The following ATP1A4 variants were observed in gnomAD, a reference collection of about 807,000 sequenced individuals.
ATP1A4 encodes the protein sodium/potassium-transporting ATPase subunit alpha-4.
ATP1A4 carries 90 observed loss-of-function variants against 114.3 expected under a neutral mutation model. The ratio of observed to expected loss-of-function variants is 0.79; its 90% CI spans 0.66 to 0.94. ATP1A4 has a LOEUF of 0.94. Among genes scored for constraint, ATP1A4 ranks in the 40% least tolerant of loss-of-function variants. The pLI is 0.00. For synonymous variants in ATP1A4, 511 were observed against 494.1 expected (o/e 1.03, Z -0.45); for missense variants, 1,222 against 1,313.6 (o/e 0.93, Z 1.08).
intron 18 of ATP1A4, among the ~76,000 whole-genome samples, chr1:160,181,335 C>G (rs983928498): frequency 6.6e-6 from 1 of 152,046 alleles, no homozygotes; most frequent in African/African-American, 2.4e-5. Context: ...GTCAGATCGC[C>G]TGAGGTCAGG....
In ATP1A4 at chr1:160,171,776, C is replaced by T; in HGVS notation, c.1854+19C>T. The T allele has an allele frequency of 6.2e-7, 1 of 1,609,756 alleles. No homozygotes were observed. The highest frequency in any genetic ancestry group is 8.5e-7 in the Non-Finnish European group (1 of 1,177,518). On this transcript the variant is annotated intron_variant, in intron 12 of 21. Coordinates refer to ENST00000368081, the MANE Select transcript of ATP1A4 (RefSeq NM_144699.4). Reference sequence around the variant, plus strand: ...AATTAAGGTAAATACTTGCCCAGACCAGGAGCCCCTCACCTGTCACAAGTT... The same window carrying T: ...AATTAAGGTAAATACTTGCCCAGACTAGGAGCCCCTCACCTGTCACAAGTT...
intron 3 of ATP1A4, 98 bp from the exon 4 acceptor site, chr1:160,155,947 C>T (rs887090928): frequency 1.3e-6 from 1 of 744,410 alleles, no homozygotes; most frequent in Non-Finnish European, 2.4e-6. Context: ...CGGTCTCTTA[C>T]ACCTGGTGAA....
At chr1:160,157,612 T>C (rs1049211965) in intron 4 of ATP1A4, among the ~76,000 whole-genome samples, 1 of 152,210 alleles carries the variant, frequency 6.6e-6, no homozygotes, top group Non-Finnish European at 1.5e-5. Context: ...ACATTGTGGT[T>C]GTTTAAGACA....
rs1444890035 is a variant in ATP1A4, at chr1:160,167,026, C to T, written c.1305C>T (p.Leu435=). 5.0e-6 allele frequency: 8 copies of T among 1,614,072 alleles called. No individual in the cohort carries two copies. The Admixed American group carries it at 5.0e-5, about 10-fold the overall frequency. ...TWFMLARIAG[L]CNRADFKANQ... ...TTATGCTGGCCCGAATCGCTGGCCT[C>T]TGCAACCGGGCTGACTTTAAGGCTA... is the stretch of plus-strand genomic sequence containing the variant. Residue 435 remains leucine, a synonymous_variant, in exon 9 of 22, where the codon CTC becomes CTT. Transcript: ENST00000368081.
intron 20 of ATP1A4, among the ~76,000 whole-genome samples, chr1:160,185,533 C>A (rs1057091742): frequency 6.6e-6 from 1 of 152,108 alleles, no homozygotes; most frequent in Non-Finnish European, 1.5e-5. Context: ...TGCCTATAAT[C>A]CTAGCACTTT....
Position 160,151,852 on chromosome 1 carries a change from C to T in ATP1A4, c.-189C>T. The T allele has an allele frequency of 1.7e-6, 1 of 594,286 alleles. No individual in the cohort carries two copies. The highest frequency in any genetic ancestry group is 2.7e-5 in the South Asian group (1 of 37,688). The allele number at this position is 594,286 out of a possible 1,614,324, so 36.8% of individuals were successfully genotyped here. On this transcript the variant is annotated 5_prime_UTR_variant, in exon 1 of 22. Coordinates refer to ENST00000368081, the MANE Select transcript of ATP1A4 (RefSeq NM_144699.4). ...CCGCTCAGTCTCTCCTCTCTCACTT[C>T]CCTTCCTCTCTCTCACCTTCACCAC...
At chr1:160,159,701 C>T (rs1172753785) in intron 6 of ATP1A4, among the ~76,000 whole-genome samples, 175 bp downstream of exon 6, 1 of 152,192 alleles carries the variant, frequency 6.6e-6, no homozygotes. Flanking sequence ...TCCACATTCG[C>T]ACAGTGATGA....
At chr1:160,180,794 A>G (rs1653665617) in intron 18 of ATP1A4, among the ~76,000 whole-genome samples, 1 of 131,840 alleles carries the variant, frequency 7.6e-6, no homozygotes, top group South Asian at 2.5e-4. Flanking sequence ...GGCTCACTAC[A>G]AGCTCCGCCT....
chr1:160,173,568 C>A lies in ATP1A4; in HGVS notation c.1855-13C>A. ...GATGATTCTGCTCCTCTTCCCTCTC[C>A]TTCCCAACCCAGGTGATCATGGTAA... On this transcript the variant is annotated splice_polypyrimidine_tract_variant and intron_variant, in intron 12 of 21. Transcript: ENST00000368081. 3.1e-6 allele frequency: 5 copies of A among 1,611,776 alleles called. No homozygotes were observed. Among genetic ancestry groups the A allele is most frequent in the Non-Finnish European group, 4.2e-6 (5 of 1,178,002 alleles).
chr1:160,159,154 G>C lies in ATP1A4; in HGVS notation c.660+18G>C. The stretch of plus-strand genomic sequence containing the variant: ...GATGTAAGGTGAGGGGATGCCGAAA[G>C]CTATGTGAGGGACCCAAGCGTGATC... On this transcript the variant is annotated intron_variant, in intron 5 of 21. Transcript: ENST00000368081. The C allele has an allele frequency of 6.2e-7, 1 of 1,611,880 alleles. No individual in the cohort carries two copies. The highest frequency in any genetic ancestry group is 8.5e-7 in the Non-Finnish European group (1 of 1,178,666).
chr1:160,159,160 T>C (rs1447659600), intron 5 of ATP1A4, 24 bp downstream of exon 5: 1 of 1,610,924 alleles, frequency 6.2e-7, no homozygotes, highest in African/African-American at 1.3e-5. Flanking sequence ...GAAAGCTATG[T>C]GAGGGACCCA....
intron 20 of ATP1A4, chr1:160,182,750 C>A (rs1438384980): frequency 2.0e-5 from 3 of 152,806 alleles, no homozygotes; most frequent in African/African-American, 4.8e-5. Flanking sequence ...CGGCTTACTG[C>A]AACCTCTGCC....
At chr1:160,166,498 G>A (rs772844451) in intron 7 of ATP1A4, 30 bp from the exon 8 acceptor site, 1 of 1,612,568 alleles carries the variant, frequency 6.2e-7, no homozygotes, top group South Asian at 1.1e-5. Context: ...CATCTCCCAT[G>A]TGTATTCTCT....
At chr1:160,169,140 G>A (rs1465495538) in intron 10 of ATP1A4, among the ~76,000 whole-genome samples, 1 of 152,228 alleles carries the variant, frequency 6.6e-6, no homozygotes, top group Non-Finnish European at 1.5e-5. Context: ...GCTCTGGCAG[G>A]CACTTGTTCT....
At chr1:160,180,694 C>CTTT (rs536915261) in intron 18 of ATP1A4, among the ~76,000 whole-genome samples, 16 of 68,486 alleles carry the variant, frequency 2.3e-4, no homozygotes, top group African/African-American at 7.1e-4. Flanking sequence ...GCCTTCTTCC[C>CTTT]TTTTTTTTTT....
intron 2 of ATP1A4, among the ~76,000 whole-genome samples, chr1:160,154,054 T>C (rs1652550734): frequency 6.6e-6 from 1 of 152,316 alleles, no homozygotes; most frequent in South Asian, 2.1e-4. Context: ...TTTTTGTTAG[T>C]ATTCTTTTCT....
intron 20 of ATP1A4, 96 bp downstream of exon 20, chr1:160,182,127 C>T (rs1653729325): frequency 5.0e-6 from 5 of 993,256 alleles, no homozygotes; most frequent in Middle Eastern, 2.8e-4. Context: ...GAGCCAGGAG[C>T]TGCCTGGATA....
chr1:160,177,429 C>G, intron 17 of ATP1A4, 90 bp from the exon 18 acceptor site: 1 of 1,426,358 alleles, frequency 7.0e-7, no homozygotes, highest in Admixed American at 1.9e-5. Flanking sequence ...CAGCCAGAAG[C>G]AAGTCCCAGC....
chr1:160,178,415 G>A (rs545557728), intron 18 of ATP1A4, among the ~76,000 whole-genome samples: 84 of 151,954 alleles, frequency 5.5e-4, no homozygotes, highest in African/African-American at 1.9e-3. Flanking sequence ...AGTGACTCAC[G>A]CCTGTAATCC....
Sources: allele counts gnomAD v4.1 joint callset (sites outside exome capture counted in the v4.1 genomes callset), GRCh38; gene constraint gnomAD v4.1.1; transcripts MANE v1.5; gene names NCBI Gene and HGNC (gene_info 2026-07-23, HGNC 2026-07-21).